TNRC6B: variants seen among roughly 807,000 people sequenced by gnomAD.
TNRC6B encodes trinucleotide repeat-containing gene 6B protein.
A neutral mutation model predicts 203.6 loss-of-function variants in TNRC6B; 52 were observed. That is an observed-to-expected ratio of 0.26 (90% CI 0.20 to 0.32). The LOEUF is 0.32. Among genes scored for constraint, TNRC6B ranks in the 10% least tolerant of loss-of-function variants. The probability of loss-of-function intolerance (pLI) is 1.00; values close to 1 mark genes in which losing one functional copy is unlikely to be tolerated. For synonymous variants in TNRC6B, 838 were observed against 845.7 expected, an observed-to-expected ratio of 0.99 and a Z score of 0.16; for missense variants, 1,923 against 2,286.2, an observed-to-expected ratio of 0.84 and a Z score of 3.24.
chr22:40,219,977 T>A (rs147804999), intron 1 of TNRC6B, among the ~76,000 whole-genome samples: 26 of 152,258 alleles, frequency 1.7e-4, no homozygotes, highest in African/African-American at 5.5e-4. Flanking sequence ...AATGAACGCA[T>A]GGGGGAAAAA....
At chr22:40,170,491 T>G (rs1464352257) in intron 4 of TNRC6B, among the ~76,000 whole-genome samples, 1 of 36,438 alleles carries the variant, frequency 2.7e-5, no homozygotes, top group Non-Finnish European at 4.1e-5. Context: ...ATAGTTTATA[T>G]ATATATTATA....
At chr22:40,274,492 C>T (rs2070610699) in intron 7 of TNRC6B, among the ~76,000 whole-genome samples, 1 of 151,376 alleles carries the variant, frequency 6.6e-6, no homozygotes, top group Non-Finnish European at 1.5e-5. Flanking sequence ...GCAGTCTCAG[C>T]TCACTGCAAG....
At chr22:40,113,496 A>G (rs1201585561) in intron 1 of TNRC6B, among the ~76,000 whole-genome samples, 1 of 152,084 alleles carries the variant, frequency 6.6e-6, no homozygotes, top group Non-Finnish European at 1.5e-5. Context: ...GTGGGACTAC[A>G]GGTGCATACT....
intron 3 of TNRC6B, among the ~76,000 whole-genome samples, chr22:40,152,607 C>T (rs538889057): frequency 7.9e-5 from 12 of 151,730 alleles, no homozygotes; most frequent in Non-Finnish European, 1.6e-4. Context: ...GGATTACAGG[C>T]GTGAGCCATC....
chr22:40,201,249 T>G (rs2069408429), intron 1 of TNRC6B, among the ~76,000 whole-genome samples: 1 of 152,126 alleles, frequency 6.6e-6, no homozygotes, highest in South Asian at 2.1e-4. Context: ...TTTAGTGGCT[T>G]TGTTAGAGTG....
intron 5 of TNRC6B, among the ~76,000 whole-genome samples, chr22:40,267,336 T>C (rs2070495812): frequency 6.6e-6 from 1 of 152,246 alleles, no homozygotes. Flanking sequence ...CCAAACAAAC[T>C]ATGTTCTAGA....
At chr22:40,246,960 C>T (rs1233069242) in intron 2 of TNRC6B, among the ~76,000 whole-genome samples, 1 of 152,102 alleles carries the variant, frequency 6.6e-6, no homozygotes, top group East Asian at 1.9e-4. Context: ...AGGCAAAGGG[C>T]CAACGGCTGT....
At chr22:40,200,567 C>T (rs2069399298) in intron 1 of TNRC6B, among the ~76,000 whole-genome samples, 1 of 151,826 alleles carries the variant, frequency 6.6e-6, no homozygotes, top group Non-Finnish European at 1.5e-5. Flanking sequence ...GGATTACAGG[C>T]GTGAGCCACC....
chr22:40,061,555 C>G (rs2067852789), intron 1 of TNRC6B, among the ~76,000 whole-genome samples: 1 of 151,952 alleles, frequency 6.6e-6, no homozygotes, highest in South Asian at 2.1e-4. Flanking sequence ...TCAATTAGGT[C>G]CAGATGGTTG....
At chr22:40,101,381 C>T (rs565079537) in intron 1 of TNRC6B, among the ~76,000 whole-genome samples, 1 of 152,178 alleles carries the variant, frequency 6.6e-6, no homozygotes. Context: ...GGCGCCACCC[C>T]CAGCATTTCT....
chr22:40,225,177 G>A (rs1245647333), intron 1 of TNRC6B, among the ~76,000 whole-genome samples: 2 of 152,212 alleles, frequency 1.3e-5, no homozygotes, highest in African/African-American at 2.4e-5. Context: ...TGGCTGCAGT[G>A]TAGCAGGGGA....
chr22:40,203,089 G>T (rs779596457), intron 1 of TNRC6B, among the ~76,000 whole-genome samples: 1 of 152,118 alleles, frequency 6.6e-6, no homozygotes, highest in African/African-American at 2.4e-5. Context: ...GCTGGCCACT[G>T]ATCATCAGCC....
chr22:40,294,256 AAATC>A (rs1223658419), intron 12 of TNRC6B, among the ~76,000 whole-genome samples: 2 of 152,110 alleles, frequency 1.3e-5, no homozygotes, highest in Non-Finnish European at 2.9e-5. Flanking sequence ...CTGTCTCAAA[AAATC>A]AATCAGTCAA....
intron 3 of TNRC6B, among the ~76,000 whole-genome samples, chr22:40,133,511 C>G (rs912606285): frequency 1.3e-5 from 2 of 151,998 alleles, no homozygotes; most frequent in Non-Finnish European, 2.9e-5. Flanking sequence ...AAATATGTGC[C>G]TAGGGCAAAG....
chr22:40,160,373 G>A lies in TNRC6B; in HGVS notation c.113+4191G>A, dbSNP rs911979447. The stretch of plus-strand genomic sequence containing the variant: ...TGCCTATAATCCCAGCTACTAGGGA[G>A]GCTGAGGCAGGAGAATGGCTTGCAC... On this transcript the variant is annotated intron_variant, in intron 4 of 23. Transcript: ENST00000301923. Among the ~76,000 whole-genome samples, 9 of 151,646 alleles carry A rather than the reference G, an allele frequency of 5.9e-5. No homozygotes were observed. In the East Asian group the frequency reaches 1.7e-3, roughly 29 times the overall value.
At chr22:40,195,865 G>A (rs1029704745) in intron 1 of TNRC6B, among the ~76,000 whole-genome samples, 4 of 152,188 alleles carry the variant, frequency 2.6e-5, no homozygotes, top group African/African-American at 9.7e-5. Context: ...CACCTCCCAG[G>A]TTCACACCAT....
chr22:40,282,186 A>C (rs546733677), intron 11 of TNRC6B, among the ~76,000 whole-genome samples: 6 of 152,350 alleles, frequency 3.9e-5, no homozygotes, highest in East Asian at 1.9e-4. Context: ...ATACATGATG[A>C]TGTTCTGTCT....
Position 40,312,997 on chromosome 22 carries a change from G to A in TNRC6B, c.4678G>A (p.Ala1560Thr). The A allele has an allele frequency of 6.2e-7, 1 of 1,612,252 alleles. No homozygotes were observed. Among genetic ancestry groups the A allele is most frequent in the Non-Finnish European group, 8.5e-7 (1 of 1,178,834 alleles). ...CTTTACCAACGTTCATAGCACTTCA[G>A]GTATGAGTGTGAATTTTTTGTTTCC... ...NSFTNVHSTSAKFPDYKSTWS... is the reference protein window; with the variant it reads ...NSFTNVHSTSTKFPDYKSTWS... The change falls in exon 19 of 23, where the codon GCA becomes ACA. Residue 1560 changes from alanine (A) to threonine (T), a missense_variant and splice_region_variant. Around this residue, in one of 8 missense-constraint regions of TNRC6B, gnomAD observed 159 missense variants for 181.0 expected, o/e 0.88. Transcript: ENST00000454349.
chr22:40,317,435 G>T (rs1238724774), intron 21 of TNRC6B, among the ~76,000 whole-genome samples: 1 of 152,114 alleles, frequency 6.6e-6, no homozygotes, highest in African/African-American at 2.4e-5. Flanking sequence ...CAAATTAGCT[G>T]GGCGTAGTGG....
Sources: allele counts gnomAD v4.1 joint callset (sites outside exome capture counted in the v4.1 genomes callset), GRCh38; gene constraint gnomAD v4.1.1; regional missense constraint gnomAD v4.1.1; transcripts MANE v1.5; gene names NCBI Gene and HGNC (gene_info 2026-07-23, HGNC 2026-07-21).